PCSK5: variants seen among roughly 807,000 people sequenced by gnomAD.
PCSK5 encodes proprotein convertase subtilisin/kexin type 5.
Under a neutral mutation model 233.2 loss-of-function variants are expected in PCSK5, and 129 were observed. The ratio of observed to expected loss-of-function variants is 0.55; its 90% confidence interval spans 0.48 to 0.64. PCSK5 has a LOEUF of 0.64. Ranked by LOEUF, PCSK5 falls within the 30% of genes least tolerant of loss-of-function variation. The pLI is 0.00. For synonymous variants in PCSK5, 825 were observed against 879.2 expected (o/e 0.94, Z 1.09); for missense variants, 2,076 against 2,430.1 (o/e 0.85, Z 3.06).
chr9:76,058,018 A>T (rs149642756), intron 5 of PCSK5, among the ~76,000 whole-genome samples: 2 of 151,576 alleles, frequency 1.3e-5, no homozygotes, highest in African/African-American at 2.4e-5. Context: ...TTTTTTATTT[A>T]TTTATTTTTT....
intron 10 of PCSK5, among the ~76,000 whole-genome samples, chr9:76,138,166 C>A (rs1290637245): frequency 6.6e-6 from 1 of 152,070 alleles, no homozygotes; most frequent in Non-Finnish European, 1.5e-5. Flanking sequence ...GACACCATGG[C>A]GTTGACTAAT....
chr9:76,198,844 G>C (rs1360625874), intron 20 of PCSK5, among the ~76,000 whole-genome samples: 4 of 152,090 alleles, frequency 2.6e-5, no homozygotes, highest in Admixed American at 2.0e-4. Context: ...GCCTTTAAAG[G>C]GTATAAAATA....
At chr9:76,297,554 C>A (rs974088627) in intron 27 of PCSK5, among the ~76,000 whole-genome samples, 1 of 152,124 alleles carries the variant, frequency 6.6e-6, no homozygotes, top group Non-Finnish European at 1.5e-5. Flanking sequence ...CACACTTGAG[C>A]GTCAGTTATA....
chr9:76,215,376 C>T (rs1825483040), intron 20 of PCSK5, among the ~76,000 whole-genome samples: 1 of 152,110 alleles, frequency 6.6e-6, no homozygotes, highest in South Asian at 2.1e-4. Context: ...ATCGAGTTTC[C>T]AGGGAAAGGC....
intron 4 of PCSK5, 104 bp downstream of exon 4, chr9:76,023,985 A>G (rs532742598): frequency 2.2e-5 from 21 of 953,560 alleles, no homozygotes; most frequent in Admixed American, 1.3e-4. Flanking sequence ...GTAGCAACGT[A>G]CAATAGGGTA....
chr9:76,205,131 T>C (rs1257767131), intron 20 of PCSK5: 1 of 518,984 alleles, frequency 1.9e-6, no homozygotes, highest in Non-Finnish European at 3.8e-6. Context: ...AAAGATCTCA[T>C]TGTCAGGTAT....
intron 30 of PCSK5, among the ~76,000 whole-genome samples, chr9:76,320,908 G>T (rs531824106): frequency 2.0e-5 from 3 of 147,668 alleles, no homozygotes. Flanking sequence ...TCTGCCTCCC[G>T]AGTTCAAGTG....
At chr9:76,236,329 CAG>C (rs1826252956) in intron 22 of PCSK5, among the ~76,000 whole-genome samples, 1 of 152,162 alleles carries the variant, frequency 6.6e-6, no homozygotes, top group Admixed American at 6.5e-5. Flanking sequence ...TCTCACCTAA[CAG>C]AATCAGCTGC....
At chr9:76,024,443 C>T (rs1345156170) in intron 4 of PCSK5, among the ~76,000 whole-genome samples, 2 of 152,144 alleles carry the variant, frequency 1.3e-5, no homozygotes, top group Admixed American at 1.3e-4. Flanking sequence ...ATAGAATTTT[C>T]AAGCTAAAAA....
At chr9:76,237,481 T>C (rs989629176) in intron 22 of PCSK5, among the ~76,000 whole-genome samples, 15 of 152,068 alleles carry the variant, frequency 9.9e-5, no homozygotes, top group Admixed American at 8.5e-4. Context: ...AAAAATTGCA[T>C]TTCAGGCGAG....
intron 28 of PCSK5, among the ~76,000 whole-genome samples, chr9:76,307,477 C>T (rs1026135693): frequency 6.6e-6 from 1 of 152,114 alleles, no homozygotes; most frequent in African/African-American, 2.4e-5. Flanking sequence ...GTCAAGGTCT[C>T]CATATGTATT....
chr9:76,165,202 A>C (rs2131832362), intron 12 of PCSK5, among the ~76,000 whole-genome samples: 1 of 152,360 alleles, frequency 6.6e-6, no homozygotes, highest in East Asian at 1.9e-4. Context: ...CTTTAAAAAA[A>C]TAAAAAATAG....
chr9:76,183,638 G>A (rs763534784), intron 16 of PCSK5, among the ~76,000 whole-genome samples: 2 of 152,228 alleles, frequency 1.3e-5, no homozygotes, highest in South Asian at 2.1e-4. Context: ...CAATGAGACA[G>A]TGAGAGAGAC....
chr9:76,155,240 A>T (rs1362820021), intron 10 of PCSK5, among the ~76,000 whole-genome samples: 1 of 152,230 alleles, frequency 6.6e-6, no homozygotes, highest in Non-Finnish European at 1.5e-5. Flanking sequence ...CATAGAGCTC[A>T]GTGAACTTAA....
At chr9:76,004,383 G>A (rs1827391590) in intron 3 of PCSK5, among the ~76,000 whole-genome samples, 2 of 151,966 alleles carry the variant, frequency 1.3e-5, no homozygotes, top group African/African-American at 4.8e-5. Flanking sequence ...TTTTGGTGAT[G>A]TTAACTTTGT....
At chr9:76,041,721 C>A (rs540468391) in intron 5 of PCSK5, among the ~76,000 whole-genome samples, 1 of 151,740 alleles carries the variant, frequency 6.6e-6, no homozygotes, top group Admixed American at 6.6e-5. Flanking sequence ...TGCCTGTAGT[C>A]CCAGCTACTC....
intron 2 of PCSK5, among the ~76,000 whole-genome samples, chr9:75,980,296 A>G (rs1032375833): frequency 6.6e-6 from 1 of 152,190 alleles, no homozygotes; most frequent in African/African-American, 2.4e-5. Flanking sequence ...AAAGCCAACC[A>G]AATATAAAAT....
At chr9:76,177,062 G>A (rs1823645492) in intron 14 of PCSK5, among the ~76,000 whole-genome samples, 1 of 152,158 alleles carries the variant, frequency 6.6e-6, no homozygotes, top group African/African-American at 2.4e-5. Flanking sequence ...GGCCGAGGAG[G>A]GTGGATTGCC....
intron 30 of PCSK5, among the ~76,000 whole-genome samples, chr9:76,319,068 G>C (rs534243821): frequency 6.6e-6 from 1 of 152,344 alleles, no homozygotes; most frequent in East Asian, 1.9e-4. Flanking sequence ...ACATGCCCAT[G>C]ACAGCCTCAG....
Sources: gnomAD v4.1 joint callset for allele counts (sites outside exome capture counted in the v4.1 genomes callset) on GRCh38, gnomAD v4.1.1 for gene constraint, MANE v1.5 for transcripts, NCBI Gene and HGNC (gene_info 2026-07-23, HGNC 2026-07-21) for gene names.